Variants in CDKAL1 observed in about 807,000 individuals in gnomAD.
CDKAL1 encodes threonylcarbamoyladenosine tRNA methylthiotransferase.
A neutral mutation model predicts 68.2 loss-of-function variants in CDKAL1; 32 were observed. The observed-to-expected ratio is 0.47, with a 90% CI of 0.35 to 0.63. The LOEUF (loss-of-function observed/expected upper bound fraction) is 0.63. Ranked by LOEUF, CDKAL1 falls within the 30% of genes least tolerant of loss-of-function variation. The probability of loss-of-function intolerance (pLI) is 0.00; values close to 1 mark genes in which losing one functional copy is unlikely to be tolerated. For missense variants in CDKAL1, 606 were observed against 696.7 expected (o/e 0.87, Z 1.47); for synonymous variants, 234 against 244.3 (o/e 0.96, Z 0.39).
At chr6:20,644,605 G>A (rs1483478355) in intron 4 of CDKAL1, among the ~76,000 whole-genome samples, 4 of 152,140 alleles carry the variant, frequency 2.6e-5, no homozygotes, top group South Asian at 2.1e-4. Context: ...GCGTGAACCC[G>A]GGAGGCAGAG....
At chr6:20,952,210 G>A (rs779356109) in intron 9 of CDKAL1, among the ~76,000 whole-genome samples, 4 of 151,880 alleles carry the variant, frequency 2.6e-5, no homozygotes, top group African/African-American at 7.3e-5. Context: ...TGCCTGCCTC[G>A]GCCTCCCAAA....
rs539220930 is a variant in CDKAL1, at chr6:20,915,279, C to A, written c.743-40140C>A. On this transcript the variant is annotated intron_variant, in intron 9 of 15. Transcript: ENST00000274695. ...TCAGAGATCTTCAGAGCAACAGAAC[C>A]ATTGAACCACAGTTGTTTACACACA... Among the ~76,000 whole-genome samples the A allele has an allele frequency of 6.6e-5, 10 of 152,184 alleles. No homozygotes were observed. The South Asian group carries it at 1.7e-3, about 25-fold the overall frequency.
chr6:20,947,730 A>G (rs923992782), intron 9 of CDKAL1, among the ~76,000 whole-genome samples: 15 of 152,330 alleles, frequency 9.8e-5, no homozygotes, highest in African/African-American at 3.1e-4. Flanking sequence ...GTTGGGCAAA[A>G]TCATCTAATA....
chr6:20,971,533 T>C (rs1765597713), intron 10 of CDKAL1, among the ~76,000 whole-genome samples: 1 of 152,222 alleles, frequency 6.6e-6, no homozygotes, highest in African/African-American at 2.4e-5. Context: ...ATTTCAAAAC[T>C]TAAAGAGTCA....
At chr6:21,142,314 GA>G (rs71540615) in intron 13 of CDKAL1, among the ~76,000 whole-genome samples, 22,243 of 136,324 alleles carry the variant, frequency 0.16, 1,770 homozygotes, top group Middle Eastern at 0.25. Context: ...GCTGCCATAT[GA>G]AAAAAAAAAA....
At chr6:20,790,391 T>C (rs112063908) in intron 8 of CDKAL1, among the ~76,000 whole-genome samples, 273 of 152,266 alleles carry the variant, frequency 1.8e-3, no homozygotes, top group African/African-American at 6.1e-3. Context: ...CAGTGGTTAT[T>C]GCATTGTGAA....
intron 4 of CDKAL1, among the ~76,000 whole-genome samples, chr6:20,592,495 G>T (rs1292355469): frequency 6.9e-6 from 1 of 144,176 alleles, no homozygotes; most frequent in Admixed American, 7.0e-5. Context: ...TTGAGACAGA[G>T]TCTCACCCTG....
At chr6:21,012,781 A>G (rs1012831670) in intron 11 of CDKAL1, among the ~76,000 whole-genome samples, 1 of 152,002 alleles carries the variant, frequency 6.6e-6, no homozygotes, top group African/African-American at 2.4e-5. Context: ...TTGAGGTGGC[A>G]TTAGGGTGAA....
At chr6:20,597,547 T>C (rs34256347) in intron 4 of CDKAL1, among the ~76,000 whole-genome samples, 10,455 of 152,238 alleles carry the variant, frequency 0.069, 517 homozygotes, top group African/African-American at 0.13. Flanking sequence ...CCTGAATAGC[T>C]GGGATTACAG....
At chr6:21,180,142 G>A (rs944650001) in intron 13 of CDKAL1, among the ~76,000 whole-genome samples, 5 of 152,222 alleles carry the variant, frequency 3.3e-5, no homozygotes, top group Admixed American at 3.3e-4. Context: ...TACTCACCCT[G>A]TAGGGTGTTT....
chr6:21,005,760 C>A (rs1767692756), intron 11 of CDKAL1, among the ~76,000 whole-genome samples: 1 of 152,096 alleles, frequency 6.6e-6, no homozygotes, highest in East Asian at 1.9e-4. Flanking sequence ...AGAATATTAA[C>A]CATTTTAGCA....
chr6:20,916,324 A>C (rs1762722328), intron 9 of CDKAL1, among the ~76,000 whole-genome samples: 1 of 152,232 alleles, frequency 6.6e-6, no homozygotes, highest in African/African-American at 2.4e-5. Context: ...AGAATGCAAG[A>C]AAACTTCCTA....
chr6:20,536,460 A>G (rs1763176321), intron 2 of CDKAL1, among the ~76,000 whole-genome samples: 1 of 151,920 alleles, frequency 6.6e-6, no homozygotes, highest in Non-Finnish European at 1.5e-5. Flanking sequence ...TATTTTTTAC[A>G]TGTTGCTATC....
chr6:20,880,711 G>A (rs1222776652), intron 9 of CDKAL1, among the ~76,000 whole-genome samples: 1 of 151,894 alleles, frequency 6.6e-6, no homozygotes, highest in Non-Finnish European at 1.5e-5. Flanking sequence ...ATATAATGTG[G>A]GTCTGAGAAC....
At chr6:21,047,718 T>A (rs773323756) in intron 11 of CDKAL1, among the ~76,000 whole-genome samples, 1 of 152,082 alleles carries the variant, frequency 6.6e-6, no homozygotes, top group African/African-American at 2.4e-5. Flanking sequence ...GTAAAAAATG[T>A]CAGGAAGATC....
At chr6:21,065,852 C>T (rs1771408311) in intron 12 of CDKAL1, among the ~76,000 whole-genome samples, 1 of 151,990 alleles carries the variant, frequency 6.6e-6, no homozygotes, top group East Asian at 1.9e-4. Flanking sequence ...CAAATATCTA[C>T]TTTCTAGATT....
intron 5 of CDKAL1, among the ~76,000 whole-genome samples, chr6:20,719,022 G>A (rs1772222430): frequency 6.6e-6 from 1 of 152,142 alleles, no homozygotes; most frequent in Non-Finnish European, 1.5e-5. Context: ...TGAAGACTCA[G>A]AGAAGAAGAT....
intron 7 of CDKAL1, among the ~76,000 whole-genome samples, chr6:20,763,886 G>A (rs566214555): frequency 6.6e-6 from 1 of 152,080 alleles, no homozygotes; most frequent in South Asian, 2.1e-4. Flanking sequence ...ATTCATTTGT[G>A]GTTTTGGCTT....
chr6:20,810,628 GT>G (rs767759916), intron 8 of CDKAL1, among the ~76,000 whole-genome samples: 152 of 5,488 alleles, frequency 0.028, no homozygotes, highest in African/African-American at 0.13. Context: ...GTATGTATGG[GT>G]GTGTGTGTGT....
Sources: gnomAD v4.1 joint callset for allele counts (sites outside exome capture counted in the v4.1 genomes callset) on GRCh38, gnomAD v4.1.1 for gene constraint, MANE v1.5 for transcripts, NCBI Gene and HGNC (gene_info 2026-07-23, HGNC 2026-07-21) for gene names.